The following GRAMD1C variants were observed in gnomAD, a reference collection of about 807,000 sequenced individuals.
GRAMD1C encodes GRAM domain containing 1C.
A neutral mutation model predicts 97.8 loss-of-function variants in GRAMD1C; 89 were observed. The observed-to-expected ratio is 0.91, with a 90% CI of 0.77 to 1.09. The LOEUF (loss-of-function observed/expected upper bound fraction) is 1.09. Ranked by LOEUF, GRAMD1C falls within the 50% of genes least tolerant of loss-of-function variation. The probability of loss-of-function intolerance (pLI) is 0.00; values close to 1 mark genes in which losing one functional copy is unlikely to be tolerated. For synonymous variants in GRAMD1C, 256 were observed against 267.0 expected (o/e 0.96, Z 0.40); for missense variants, 740 against 766.4 (o/e 0.97, Z 0.41).
At chr3:113,933,732 A>G in intron 12 of GRAMD1C, 79 bp downstream of exon 12, 1 of 953,250 alleles carries the variant, frequency 1.0e-6, no homozygotes, top group Non-Finnish European at 1.6e-6. Context: ...TCTTAGTAGT[A>G]GCTTTACACA....
In GRAMD1C at chr3:113,875,534, C is replaced by A; in HGVS notation, c.310C>A (p.Leu104Ile). Residue 104 changes from leucine (L) to isoleucine (I), a missense_variant, in exon 4 of 18, where the codon CTT becomes ATT. Leu to Ile is a conservative substitution (Grantham distance 5). Transcript: ENST00000358160. ...CATTTTGCTTCAGGGACGACTATAC[C>A]TTTCAGAAAACTGGCTATGTTTCTA... is the stretch of plus-strand genomic sequence containing the variant. ...RDILLQGRLY[L>I]SENWLCFYSN... The A allele has an allele frequency of 6.4e-7, 1 of 1,556,628 alleles. No individual in the cohort carries two copies. The highest frequency in any genetic ancestry group is 8.9e-7 in the Non-Finnish European group (1 of 1,126,892).
intron 11 of GRAMD1C, among the ~76,000 whole-genome samples, chr3:113,932,977 G>A (rs981703087): frequency 6.6e-6 from 1 of 151,896 alleles, no homozygotes; most frequent in African/African-American, 2.4e-5. Context: ...TGCCTCCTGG[G>A]TTCAAGTGAT....
intron 7 of GRAMD1C, among the ~76,000 whole-genome samples, chr3:113,902,246 C>T (rs538756816): frequency 1.3e-5 from 2 of 152,288 alleles, no homozygotes; most frequent in South Asian, 4.1e-4. Flanking sequence ...CAATTTATAT[C>T]TTTTCAGCTT....
At chr3:113,945,189 C>T (rs1337022731) in intron 17 of GRAMD1C, among the ~76,000 whole-genome samples, 1 of 152,104 alleles carries the variant, frequency 6.6e-6, no homozygotes, top group Non-Finnish European at 1.5e-5. Flanking sequence ...GGAAGAAGTA[C>T]AATACTCCAG....
chr3:113,926,339 A>G (rs1937229770), intron 10 of GRAMD1C, among the ~76,000 whole-genome samples: 1 of 152,114 alleles, frequency 6.6e-6, no homozygotes, highest in Non-Finnish European at 1.5e-5. Context: ...TGCTGTTAAT[A>G]CTTGCAATTT....
Position 113,932,267 on chromosome 3 carries a change from C to T in GRAMD1C, c.1210-1244C>T, listed in dbSNP as rs548985992. The stretch of plus-strand genomic sequence containing the variant: ...TTTTGTTCATTATCATTAAAAAGAA[C>T]GTATTTCCATACCTTTAAACAATTC... On this transcript the variant is annotated intron_variant, in intron 11 of 17. Transcript: ENST00000358160. 1.6e-4 allele frequency among the ~76,000 whole-genome samples: 25 copies of T among 152,234 alleles called. No homozygotes were observed. In the South Asian group the frequency reaches 1.9e-3, roughly 11 times the overall value.
intron 2 of GRAMD1C, among the ~76,000 whole-genome samples, chr3:113,859,144 C>A (rs1934270092): frequency 6.6e-6 from 1 of 151,996 alleles, no homozygotes; most frequent in South Asian, 2.1e-4. Context: ...TCTTTCTCTT[C>A]TAAGTTCTTG....
intron 10 of GRAMD1C, among the ~76,000 whole-genome samples, chr3:113,916,210 A>G (rs1285410978): frequency 6.6e-6 from 1 of 152,216 alleles, no homozygotes; most frequent in African/African-American, 2.4e-5. Flanking sequence ...AGTAACTACT[A>G]AAGGTATGAA....
At chr3:113,861,692 A>G (rs1340897653) in intron 2 of GRAMD1C, among the ~76,000 whole-genome samples, 1 of 152,182 alleles carries the variant, frequency 6.6e-6, no homozygotes, top group Admixed American at 6.6e-5. Flanking sequence ...AATGGCCAAA[A>G]TGTTAATAGA....
At chr3:113,894,559 G>A (rs1367568269) in intron 6 of GRAMD1C, among the ~76,000 whole-genome samples, 1 of 152,154 alleles carries the variant, frequency 6.6e-6, no homozygotes, top group Non-Finnish European at 1.5e-5. Flanking sequence ...GATTACAGAC[G>A]TGAGCCACCA....
At chr3:113,911,962 C>T (rs541243933) in intron 9 of GRAMD1C, among the ~76,000 whole-genome samples, 6 of 151,978 alleles carry the variant, frequency 3.9e-5, no homozygotes, top group Admixed American at 6.6e-5. Context: ...CTCCTGACCT[C>T]GTGATCAGCC....
At position 113,891,684 on chromosome 3, in the gene GRAMD1C, C is replaced by G. The variant is rs539997075; in HGVS notation, c.540+8852C>G. Among the ~76,000 whole-genome samples the G allele has an allele frequency of 4.8e-4, 72 of 151,118 alleles. 1 individual carries two copies. The highest frequency in any genetic ancestry group is 8.8e-4 in the Non-Finnish European group (60 of 67,826). On this transcript the variant is annotated intron_variant, in intron 6 of 17. Transcript: ENST00000358160. ...TTGCTTGAGACCAGTTCAAGACCAG[C>G]CTGGGCAACATAGAGAGACCCCATT...
chr3:113,910,509 C>T (rs182174188), intron 9 of GRAMD1C, among the ~76,000 whole-genome samples: 4 of 152,286 alleles, frequency 2.6e-5, no homozygotes, highest in Non-Finnish European at 2.9e-5. Context: ...GTATTATATT[C>T]TAGATGTTTT....
rs1934988808 is a variant in GRAMD1C at position 113,875,478 on chromosome 3, A to G, written c.260-6A>G. ...AATAAGCTGTATCTTATTTTTGTGT[A>G]TATAGATTATGCTTGTGCTCTTCAG... On this transcript the variant is annotated splice_polypyrimidine_tract_variant and splice_region_variant and intron_variant, in intron 3 of 17. Transcript: ENST00000358160. The G allele has an allele frequency of 8.3e-7, 1 of 1,203,302 alleles. No homozygotes were observed. 74.5% of individuals were successfully genotyped at this position (1,203,302 alleles called of 1,614,324 possible). A position where few individuals can be genotyped will look rare whatever the true frequency, so the allele number is the denominator to read the frequency against.
At chr3:113,834,719 AG>A (rs1418081706), upstream of GRAMD1C, among the ~76,000 whole-genome samples, 1 of 149,492 alleles carries the variant, frequency 6.7e-6, no homozygotes, top group African/African-American at 2.5e-5. Flanking sequence ...GTGGATCATG[AG>A]GTCAGGAGTT....
chr3:113,847,176 A>C (rs1036368667), intron 2 of GRAMD1C, among the ~76,000 whole-genome samples: 10 of 152,240 alleles, frequency 6.6e-5, no homozygotes, highest in African/African-American at 2.4e-4. Context: ...ACTCAAAAAA[A>C]GTGAAGAAAC....
chr3:113,858,183 G>A (rs1934224502), intron 2 of GRAMD1C, among the ~76,000 whole-genome samples: 1 of 151,858 alleles, frequency 6.6e-6, no homozygotes, highest in Non-Finnish European at 1.5e-5. Flanking sequence ...GGTAGTTTAT[G>A]TTTTTTGATA....
At chr3:113,863,070 A>G (rs1343981565) in intron 2 of GRAMD1C, among the ~76,000 whole-genome samples, 2 of 152,192 alleles carry the variant, frequency 1.3e-5, no homozygotes, top group Admixed American at 1.3e-4. Flanking sequence ...ATGACCCAGC[A>G]ATTCTTCTCT....
chr3:113,849,122 C>T (rs1417309459), intron 2 of GRAMD1C, among the ~76,000 whole-genome samples: 1 of 151,978 alleles, frequency 6.6e-6, no homozygotes, highest in Non-Finnish European at 1.5e-5. Context: ...TTATTTAGTG[C>T]AAATTCTTTT....
Sources: allele counts gnomAD v4.1 joint callset (sites outside exome capture counted in the v4.1 genomes callset), GRCh38; gene constraint gnomAD v4.1.1; transcripts MANE v1.5; gene names NCBI Gene and HGNC (gene_info 2026-07-23, HGNC 2026-07-21).